NTNG1: variants seen among roughly 807,000 people sequenced by gnomAD.
NTNG1 encodes netrin G1.
In NTNG1, 16 loss-of-function variants were observed where a neutral mutation model predicts 54.0. The ratio of observed to expected loss-of-function variants is 0.30; its 90% CI spans 0.20 to 0.45. NTNG1 has a LOEUF of 0.45. Ranked by LOEUF, NTNG1 falls within the 20% of genes least tolerant of loss-of-function variation. The probability of loss-of-function intolerance (pLI) is 1.00; values close to 1 mark genes in which losing one functional copy is unlikely to be tolerated. For missense variants in NTNG1, 530 were observed against 678.7 expected (o/e 0.78, Z 2.43); for synonymous variants, 255 against 263.1 (o/e 0.97, Z 0.30).
chr1:107,442,530 T>C (rs2101427176), intron 7 of NTNG1, among the ~76,000 whole-genome samples: 1 of 152,260 alleles, frequency 6.6e-6, no homozygotes, highest in African/African-American at 2.4e-5. Flanking sequence ...GCTAAATAAT[T>C]TGCAAAAATG....
chr1:107,436,165 A>T (rs1675581725), intron 6 of NTNG1, among the ~76,000 whole-genome samples: 1 of 152,238 alleles, frequency 6.6e-6, no homozygotes, highest in South Asian at 2.1e-4. Flanking sequence ...TATATGCATG[A>T]ATAAGTTAAG....
chr1:107,449,031 A>G (rs1372748916), intron 7 of NTNG1, among the ~76,000 whole-genome samples: 1 of 152,142 alleles, frequency 6.6e-6, no homozygotes, highest in African/African-American at 2.4e-5. Context: ...CATTTAATCT[A>G]TTCATGTTTG....
At chr1:107,228,348 T>C (rs1331916260) in intron 2 of NTNG1, among the ~76,000 whole-genome samples, 1 of 152,186 alleles carries the variant, frequency 6.6e-6, no homozygotes, top group Non-Finnish European at 1.5e-5. Context: ...TCAACTGTTA[T>C]TTTGTGAACT....
At chr1:107,420,708 A>C (rs186075691) in intron 5 of NTNG1, among the ~76,000 whole-genome samples, 20 of 152,132 alleles carry the variant, frequency 1.3e-4, no homozygotes, top group Non-Finnish European at 2.8e-4. Flanking sequence ...TTATCATGAC[A>C]CAGAATGTCA....
At chr1:107,309,391 A>G (rs1666870046) in intron 2 of NTNG1, among the ~76,000 whole-genome samples, 1 of 152,204 alleles carries the variant, frequency 6.6e-6, no homozygotes, top group Non-Finnish European at 1.5e-5. Context: ...CATGCAGCAG[A>G]TACAGCATTT....
intron 1 of NTNG1, among the ~76,000 whole-genome samples, chr1:107,145,694 T>A (rs1201191534): frequency 6.6e-6 from 1 of 152,072 alleles, no homozygotes; most frequent in Admixed American, 6.6e-5. Flanking sequence ...GTGCCAGAAA[T>A]TTAAGCTATA....
chr1:107,431,222 GA>G (rs1177069378), intron 6 of NTNG1, among the ~76,000 whole-genome samples: 1 of 152,024 alleles, frequency 6.6e-6, no homozygotes, highest in African/African-American at 2.4e-5. Flanking sequence ...AAAACCTGAT[GA>G]TTCTGAACTG....
intron 1 of NTNG1, among the ~76,000 whole-genome samples, chr1:107,145,144 A>G (rs1654014438): frequency 6.6e-6 from 1 of 152,122 alleles, no homozygotes; most frequent in Non-Finnish European, 1.5e-5. Flanking sequence ...AGCTTTTAAG[A>G]AGCTATTGAT....
chr1:107,141,692 G>C lies in NTNG1; in HGVS notation c.-526+552G>C, dbSNP rs567680777. ...CTCACACCCACACACAAGTCTTCCC[G>C]GGGGTGCGCCCCGGGCCGGTGATGC... On this transcript the variant is annotated intron_variant, in intron 1 of 7. Transcript: ENST00000370068. Among the ~76,000 whole-genome samples, 99 of 152,136 alleles carry C rather than the reference G, an allele frequency of 6.5e-4. 3 individuals are homozygous for C. In the South Asian group the frequency reaches 0.02, roughly 30 times the overall value.
chr1:107,204,810 C>T (rs1659054470), intron 2 of NTNG1, among the ~76,000 whole-genome samples: 1 of 152,130 alleles, frequency 6.6e-6, no homozygotes, highest in African/African-American at 2.4e-5. Context: ...CCTGCAATCT[C>T]TGTACATACC....
intron 2 of NTNG1, among the ~76,000 whole-genome samples, chr1:107,200,244 C>T (rs183423369): frequency 6.6e-6 from 1 of 151,982 alleles, no homozygotes; most frequent in East Asian, 1.9e-4. Context: ...GTCATTCACT[C>T]TTTGTTAGGT....
chr1:107,400,651 GTT>G (rs370579128), intron 4 of NTNG1, among the ~76,000 whole-genome samples: 4 of 147,576 alleles, frequency 2.7e-5, no homozygotes, highest in African/African-American at 9.9e-5. Flanking sequence ...TGTGGAATAA[GTT>G]TTTTTTTTTT....
At chr1:107,231,518 T>C (rs1661070739) in intron 2 of NTNG1, among the ~76,000 whole-genome samples, 1 of 152,218 alleles carries the variant, frequency 6.6e-6, no homozygotes, top group African/African-American at 2.4e-5. Context: ...TTGGGGCTAA[T>C]TCATCTCAGA....
rs543964043 is a variant in NTNG1, at chr1:107,194,883, G to A, written c.246+46044G>A. Among the ~76,000 whole-genome samples, 7 of 151,896 alleles carry A rather than the reference G, an allele frequency of 4.6e-5. No individual in the cohort carries two copies. The South Asian group carries it at 6.2e-4, about 14-fold the overall frequency. On this transcript the variant is annotated intron_variant, in intron 2 of 7. Transcript: ENST00000370068. ...GAATATGGATTACACAGATTTTATC[G>A]TTTGACCTGGAAACTAATAACCATT...
At chr1:107,218,140 G>A (rs541975927) in intron 2 of NTNG1, among the ~76,000 whole-genome samples, 3 of 152,086 alleles carry the variant, frequency 2.0e-5, no homozygotes, top group Non-Finnish European at 4.4e-5. Context: ...CCCACTGTTA[G>A]GTGCATATTT....
chr1:107,421,004 T>G, intron 5 of NTNG1: 2 of 942,844 alleles, frequency 2.1e-6, no homozygotes, highest in Non-Finnish European at 3.4e-6. Context: ...ACTTTTCAAG[T>G]GGGTTGGTGA....
intron 2 of NTNG1, among the ~76,000 whole-genome samples, chr1:107,300,198 A>G (rs1162439156): frequency 6.6e-6 from 1 of 152,182 alleles, no homozygotes; most frequent in Non-Finnish European, 1.5e-5. Flanking sequence ...GAGTGTTGCT[A>G]AGCAGAGGTT....
intron 5 of NTNG1, chr1:107,420,991 GCTA>G: frequency 1.2e-6 from 1 of 820,564 alleles, no homozygotes. Context: ...TTAATTTAGG[GCTA>G]CTTTTCAAGT....
At chr1:107,294,153 C>T (rs1288616070) in intron 2 of NTNG1, among the ~76,000 whole-genome samples, 1 of 152,162 alleles carries the variant, frequency 6.6e-6, no homozygotes, top group Non-Finnish European at 1.5e-5. Flanking sequence ...GTTCTTCAGT[C>T]GTGGTGTGTA....
Sources: gnomAD v4.1 joint callset for allele counts (sites outside exome capture counted in the v4.1 genomes callset) on GRCh38, gnomAD v4.1.1 for gene constraint, MANE v1.5 for transcripts, NCBI Gene and HGNC (gene_info 2026-07-23, HGNC 2026-07-21) for gene names.